SH3RF2: variants seen among roughly 807,000 people sequenced by gnomAD.
SH3RF2 encodes E3 ubiquitin-protein ligase SH3RF2.
SH3RF2 carries 43 observed loss-of-function variants against 59.0 expected under a neutral mutation model. The observed-to-expected ratio is 0.73, with a 90% confidence interval of 0.57 to 0.94. The LOEUF (loss-of-function observed/expected upper bound fraction) is 0.94, where lower values mean the gene tolerates loss of function less well. SH3RF2 is among the 40% of genes least tolerant of loss of function. The probability of loss-of-function intolerance (pLI) is 0.00; values close to 1 mark genes in which losing one functional copy is unlikely to be tolerated. For missense variants in SH3RF2, 930 were observed against 940.1 expected (o/e 0.99, Z 0.14); for synonymous variants, 391 against 391.5 (o/e 1.00, Z 0.01).
chr5:145,979,245 A>G (rs1257941792), intron 2 of SH3RF2, among the ~76,000 whole-genome samples: 2 of 152,242 alleles, frequency 1.3e-5, no homozygotes, highest in Non-Finnish European at 2.9e-5. Context: ...CTACTACAGA[A>G]GAAACTCTTG....
intron 5 of SH3RF2, among the ~76,000 whole-genome samples, chr5:146,016,385 T>G (rs555285136): frequency 8.4e-4 from 128 of 151,848 alleles, no homozygotes; most frequent in African/African-American, 3.0e-3. Context: ...GATGGATGGA[T>G]GGATGGATGG....
At chr5:145,986,208 C>T (rs1759698917) in intron 2 of SH3RF2, among the ~76,000 whole-genome samples, 1 of 152,120 alleles carries the variant, frequency 6.6e-6, no homozygotes, top group East Asian at 1.9e-4. Flanking sequence ...CAGCTGGTTG[C>T]ATTAGGAGAA....
chr5:145,979,799 A>G (rs143855168), intron 2 of SH3RF2, among the ~76,000 whole-genome samples: 1 of 152,164 alleles, frequency 6.6e-6, no homozygotes, highest in Non-Finnish European at 1.5e-5. Context: ...GTGGACTTTT[A>G]TTGAGTATTT....
chr5:146,047,775 A>G lies in SH3RF2; in HGVS notation c.1063A>G (p.Ser355Gly). The change falls in exon 6 of 10, where the codon AGC (serine) becomes GGC (glycine). Residue 355 changes from serine to glycine, a missense_variant. Transcript: ENST00000359120. Reference sequence around the variant, plus strand: ...GCTGTCTTTTCTGTCTGTGCAGGTCAGCACTTATCACCCCGCACCTGTCTC... The same window carrying G: ...GCTGTCTTTTCTGTCTGTGCAGGTCGGCACTTATCACCCCGCACCTGTCTC... ...DVPSSCVGQV[S>G]TYHPAPVSPG... 2 of 1,614,070 alleles carry G rather than the reference A, an allele frequency of 1.2e-6. 1 individual carries two copies. The highest frequency in any genetic ancestry group is 2.2e-5 in the South Asian group (2 of 91,074).
intron 2 of SH3RF2, 88 bp downstream of exon 2, chr5:145,938,394 A>G: frequency 4.2e-6 from 6 of 1,427,668 alleles, no homozygotes; most frequent in South Asian, 3.0e-5. Context: ...TCTTTTAGTT[A>G]CATTCCAGAG....
downstream of SH3RF2, among the ~76,000 whole-genome samples, chr5:146,068,044 A>C (rs1383270636): frequency 6.6e-6 from 1 of 152,246 alleles, no homozygotes; most frequent in African/African-American, 2.4e-5. Flanking sequence ...ACCACTGTCC[A>C]GCCTTTGACA....
chr5:145,964,135 T>C (rs1396388223), intron 2 of SH3RF2, among the ~76,000 whole-genome samples: 1 of 151,638 alleles, frequency 6.6e-6, no homozygotes, highest in Non-Finnish European at 1.5e-5. Context: ...CCCGGCCTCT[T>C]CCTTTCTTTC....
At chr5:145,990,009 T>A (rs985047049) in intron 2 of SH3RF2, among the ~76,000 whole-genome samples, 1 of 152,248 alleles carries the variant, frequency 6.6e-6, no homozygotes, top group African/African-American at 2.4e-5. Flanking sequence ...GTTTCAAATA[T>A]GTGCTGGTTA....
In SH3RF2 at chr5:146,049,282, G is replaced by A. The variant is rs750405363; in HGVS notation, c.1322+37G>A. The A allele has an allele frequency of 2.0e-5, 32 of 1,564,466 alleles. No homozygotes were observed. In the Admixed American group the frequency reaches 5.2e-4, roughly 26 times the overall value. ...CCAATCCCAGACTTTGGGAGGTTGG[G>A]CCACCCTAGGCCAGGGGCCATCTGT... On this transcript the variant is annotated intron_variant, in intron 7 of 9. Coordinates refer to ENST00000359120, the MANE Select transcript of SH3RF2 (RefSeq NM_152550.4).
At chr5:146,065,142 G>A (rs540508635), downstream of SH3RF2, among the ~76,000 whole-genome samples, 4 of 152,274 alleles carry the variant, frequency 2.6e-5, no homozygotes, top group South Asian at 2.1e-4. Context: ...TCTCAATCAC[G>A]TTTGGGTCCA....
chr5:145,992,570 A>G (rs955251694), intron 2 of SH3RF2, among the ~76,000 whole-genome samples: 1 of 152,242 alleles, frequency 6.6e-6, no homozygotes, highest in Non-Finnish European at 1.5e-5. Flanking sequence ...ATAGTTCCAC[A>G]TGGCTGGGGA....
chr5:145,945,483 G>A (rs1277885988), intron 2 of SH3RF2, among the ~76,000 whole-genome samples: 1 of 152,120 alleles, frequency 6.6e-6, no homozygotes, highest in East Asian at 1.9e-4. Context: ...CAGGTGGCAA[G>A]GCAATTCAGT....
At chr5:146,062,103 A>G (rs1762915533) in intron 9 of SH3RF2, among the ~76,000 whole-genome samples, 1 of 152,154 alleles carries the variant, frequency 6.6e-6, no homozygotes, top group African/African-American at 2.4e-5. Context: ...AATCTTCCAG[A>G]AGGGATCATA....
intron 2 of SH3RF2, among the ~76,000 whole-genome samples, chr5:145,959,169 T>C (rs1447390813): frequency 6.6e-6 from 1 of 152,224 alleles, no homozygotes; most frequent in Non-Finnish European, 1.5e-5. Flanking sequence ...GATATTGTCA[T>C]CTAAAGGCAC....
At position 145,951,194 on chromosome 5, in the gene SH3RF2, C is replaced by A. The variant is rs545583313; in HGVS notation, c.378+12888C>A. Among the ~76,000 whole-genome samples, 3 of 152,314 alleles carry A rather than the reference C, an allele frequency of 2.0e-5. No individual in the cohort carries two copies. The South Asian group carries it at 6.2e-4, about 32-fold the overall frequency. On this transcript the variant is annotated intron_variant, in intron 2 of 9. Coordinates refer to ENST00000359120, the MANE Select transcript of SH3RF2 (RefSeq NM_152550.4). Reference sequence around the variant, plus strand: ...CTTTACCCGCAAAAGCTTATTTAATCCACAGAGCAACACTTGTTTACAGAT... The same window carrying A: ...CTTTACCCGCAAAAGCTTATTTAATACACAGAGCAACACTTGTTTACAGAT...
downstream of SH3RF2, among the ~76,000 whole-genome samples, chr5:146,064,588 A>G (rs7724579): frequency 0.38 from 908 of 2,406 alleles, 121 homozygotes; most frequent in Middle Eastern, 0.83. Flanking sequence ...AGGAAGGGGG[A>G]GAGAGAGAGA....
chr5:145,969,997 G>A (rs1759014044), intron 2 of SH3RF2, among the ~76,000 whole-genome samples: 1 of 152,146 alleles, frequency 6.6e-6, no homozygotes. Context: ...AGAAAGAAGA[G>A]ATTCGGGTGC....
chr5:146,022,332 C>T (rs865908101), intron 5 of SH3RF2, among the ~76,000 whole-genome samples: 5 of 152,086 alleles, frequency 3.3e-5, no homozygotes, highest in Non-Finnish European at 5.9e-5. Flanking sequence ...CTCAGCCTCC[C>T]GAGTAGTTGG....
rs139999859 is a variant in SH3RF2 at position 145,964,464 on chromosome 5, G to A, written c.378+26158G>A. On this transcript the variant is annotated intron_variant, in intron 2 of 9. Transcript: ENST00000359120. ...TGAGATCACAGACGCGCCCCACCAC[G>A]CCCCGCTAATTTTTGTATTTTTGGT... Among the ~76,000 whole-genome samples, 1,053 of 151,730 alleles carry A rather than the reference G, an allele frequency of 6.9e-3. 16 individuals carry two copies. The highest frequency in any genetic ancestry group is 0.024 in the African/African-American group (1,007 of 41,374).
Sources: gnomAD v4.1 joint callset for allele counts (sites outside exome capture counted in the v4.1 genomes callset) on GRCh38, gnomAD v4.1.1 for gene constraint, MANE v1.5 for transcripts, NCBI Gene and HGNC (gene_info 2026-07-23, HGNC 2026-07-21) for gene names.